Variants in ULK4 observed in about 807,000 individuals in gnomAD.
The protein encoded by ULK4 is unc-51 like kinase 4.
Under a neutral mutation model 160.6 loss-of-function variants are expected in ULK4, and 133 were observed. The observed-to-expected ratio is 0.83, with a 90% CI of 0.72 to 0.96. The LOEUF (loss-of-function observed/expected upper bound fraction) is 0.96, where lower values mean the gene tolerates loss of function less well. ULK4 is among the 40% of genes least tolerant of loss of function. The pLI is 0.00. For missense variants in ULK4, 1,580 were observed against 1,499.5 expected, an observed-to-expected ratio of 1.05 and a Z score of -0.89; for synonymous variants, 534 against 539.8, an observed-to-expected ratio of 0.99 and a Z score of 0.15.
At chr3:41,431,900 CT>C (rs2082921472) in intron 34 of ULK4, among the ~76,000 whole-genome samples, 1 of 151,538 alleles carries the variant, frequency 6.6e-6, no homozygotes, top group Non-Finnish European at 1.5e-5. Flanking sequence ...CGCCATTCTC[CT>C]GCCTCAGCCT....
At chr3:41,674,430 G>A (rs1161448072) in intron 29 of ULK4, among the ~76,000 whole-genome samples, 1 of 152,134 alleles carries the variant, frequency 6.6e-6, no homozygotes, top group East Asian at 1.9e-4. Flanking sequence ...ATTAAATCTT[G>A]TCTCTCAGCT....
chr3:41,783,782 A>C (rs1473496201), intron 21 of ULK4, among the ~76,000 whole-genome samples: 1 of 152,212 alleles, frequency 6.6e-6, no homozygotes, highest in Non-Finnish European at 1.5e-5. Flanking sequence ...TATTGTAATT[A>C]TAGAAAATTG....
intron 33 of ULK4, among the ~76,000 whole-genome samples, chr3:41,459,988 C>A (rs117388828): frequency 2.0e-5 from 3 of 152,066 alleles, no homozygotes; most frequent in Non-Finnish European, 4.4e-5. Flanking sequence ...AAATCTCATC[C>A]GCATTCAACA....
chr3:41,930,473 G>A (rs917951919), intron 5 of ULK4, among the ~76,000 whole-genome samples: 1 of 152,100 alleles, frequency 6.6e-6, no homozygotes, highest in African/African-American at 2.4e-5. Flanking sequence ...GGCAGCAAAA[G>A]CCAAAATTGA....
intron 34 of ULK4, among the ~76,000 whole-genome samples, chr3:41,419,758 T>C (rs1195611799): frequency 1.3e-5 from 2 of 152,132 alleles, no homozygotes; most frequent in East Asian, 3.9e-4. Flanking sequence ...GCTTGTTCTC[T>C]GGCATGCAGT....
chr3:41,533,847 G>C (rs901508897), intron 32 of ULK4, among the ~76,000 whole-genome samples: 1 of 152,074 alleles, frequency 6.6e-6, no homozygotes, highest in African/African-American at 2.4e-5. Flanking sequence ...TCGCTCTTTC[G>C]CCCAGGCCGG....
At chr3:41,307,784 T>C (rs1390707946) in intron 35 of ULK4, among the ~76,000 whole-genome samples, 1 of 152,142 alleles carries the variant, frequency 6.6e-6, no homozygotes, top group Non-Finnish European at 1.5e-5. Flanking sequence ...GAGCTATGAT[T>C]GTACCACTGC....
At chr3:41,435,563 C>T (rs2083015058) in intron 34 of ULK4, among the ~76,000 whole-genome samples, 4 of 152,174 alleles carry the variant, frequency 2.6e-5, no homozygotes, top group Non-Finnish European at 5.9e-5. Context: ...TAAATAGTAA[C>T]TTTGAACTGA....
rs373657028 is a variant in ULK4 at position 41,275,251 on chromosome 3, G to C, written c.3679-25677C>G. On this transcript the variant is annotated intron_variant, in intron 35 of 36. Transcript: ENST00000301831. ...TCTGGATCAGTGATCCATTACTACA[G>C]AGGAGACCTAGAAGTTCTCTTTACC... 2.6e-5 allele frequency among the ~76,000 whole-genome samples: 4 copies of C among 152,224 alleles called. No homozygotes were observed. The East Asian group carries it at 7.7e-4, about 29-fold the overall frequency.
At chr3:41,955,384 A>C (rs1378654056) in intron 1 of ULK4, 5 of 152,362 alleles carry the variant, frequency 3.3e-5, no homozygotes, top group African/African-American at 4.8e-5. Context: ...GGGTGGGTAG[A>C]TATCCCAGCA....
At chr3:41,327,886 T>G (rs886567488) in intron 35 of ULK4, among the ~76,000 whole-genome samples, 5 of 152,216 alleles carry the variant, frequency 3.3e-5, no homozygotes, top group Admixed American at 6.5e-5. Flanking sequence ...CATGTCAGCA[T>G]TTATTTTCTT....
chr3:41,898,629 A>G, intron 13 of ULK4, 137 bp from the exon 14 acceptor site: 1 of 567,764 alleles, frequency 1.8e-6, no homozygotes, highest in Non-Finnish European at 3.2e-6. Flanking sequence ...AAAAAGAATA[A>G]GAACAATGAC....
intron 35 of ULK4, among the ~76,000 whole-genome samples, chr3:41,388,875 T>C (rs1194036439): frequency 6.6e-6 from 1 of 152,188 alleles, no homozygotes; most frequent in Non-Finnish European, 1.5e-5. Context: ...TTTGGTTCCA[T>C]ATGAACTTGA....
chr3:41,623,992 G>A (rs928639689), intron 30 of ULK4, among the ~76,000 whole-genome samples: 1 of 152,136 alleles, frequency 6.6e-6, no homozygotes, highest in Admixed American at 6.5e-5. Context: ...TGTTGATAAA[G>A]TTTAAAAATA....
At chr3:41,901,281 G>A (rs571713001) in intron 12 of ULK4, among the ~76,000 whole-genome samples, 4 of 148,648 alleles carry the variant, frequency 2.7e-5, no homozygotes, top group East Asian at 2.0e-4. Flanking sequence ...CCGGGTTCAC[G>A]CCATTCTCCT....
intron 21 of ULK4, among the ~76,000 whole-genome samples, chr3:41,760,594 T>G (rs1259924751): frequency 6.6e-6 from 1 of 152,198 alleles, no homozygotes; most frequent in African/African-American, 2.4e-5. Context: ...ATTCCACACA[T>G]AAGTACTTAA....
chr3:41,268,421 A>C (rs2079081108), intron 35 of ULK4, among the ~76,000 whole-genome samples: 1 of 152,096 alleles, frequency 6.6e-6, no homozygotes, highest in Admixed American at 6.5e-5. Flanking sequence ...AGTGGCTATC[A>C]CTTGGTTATA....
intron 17 of ULK4, among the ~76,000 whole-genome samples, chr3:41,862,123 G>C (rs2042511603): frequency 1.3e-5 from 2 of 152,124 alleles, no homozygotes; most frequent in Non-Finnish European, 2.9e-5. Context: ...TTTTCAATTA[G>C]GCAGTCTTCA....
chr3:41,857,691 G>T (rs2042393557), intron 17 of ULK4, among the ~76,000 whole-genome samples: 1 of 151,950 alleles, frequency 6.6e-6, no homozygotes, highest in Admixed American at 6.6e-5. Context: ...GTTCAATCTT[G>T]GTAGATTTTA....
Sources: gnomAD v4.1 joint callset for allele counts (sites outside exome capture counted in the v4.1 genomes callset) on GRCh38, gnomAD v4.1.1 for gene constraint, MANE v1.5 for transcripts, NCBI Gene and HGNC (gene_info 2026-07-23, HGNC 2026-07-21) for gene names.